The following GALNT3 variants were observed in gnomAD, a reference collection of about 807,000 sequenced individuals.
GALNT3 encodes the protein GalNAc transferase 3.
A neutral mutation model predicts 69.8 loss-of-function variants in GALNT3; 51 were observed. The ratio of observed to expected loss-of-function variants is 0.73; its 90% confidence interval spans 0.58 to 0.92. The LOEUF (loss-of-function observed/expected upper bound fraction) is 0.92, where lower values mean the gene tolerates loss of function less well. Among genes scored for constraint, GALNT3 ranks in the 40% least tolerant of loss-of-function variants. The probability of loss-of-function intolerance (pLI) is 0.00; values close to 1 mark genes in which losing one functional copy is unlikely to be tolerated. For missense variants in GALNT3, 711 were observed against 760.0 expected (o/e 0.94, Z 0.76); for synonymous variants, 265 against 248.5 (o/e 1.07, Z -0.63).
At chr2:165,761,657 T>C in intron 4 of GALNT3, 1 of 683,182 alleles carries the variant, frequency 1.5e-6, no homozygotes, top group Non-Finnish European at 2.7e-6. Context: ...CTGGAACAGC[T>C]AGTAACTGGA....
chr2:165,784,830 G>A (rs1444397908), intron 1 of GALNT3, among the ~76,000 whole-genome samples: 1 of 152,114 alleles, frequency 6.6e-6, no homozygotes, highest in East Asian at 1.9e-4. Context: ...ACAGAAACAA[G>A]TTTTATCCAG....
chr2:165,770,150 T>A (rs748769138), intron 2 of GALNT3, 36 bp downstream of exon 2: 2 of 1,613,354 alleles, frequency 1.2e-6, no homozygotes, highest in Non-Finnish European at 1.7e-6. Context: ...CAAAGCCTGG[T>A]GATAAAGAAT....
intron 2 of GALNT3, among the ~76,000 whole-genome samples, chr2:165,769,623 C>T (rs772352907): frequency 1.5e-4 from 22 of 151,652 alleles, no homozygotes; most frequent in African/African-American, 4.6e-4. Context: ...GCTGTGGTGG[C>T]GGGCGCCTGT....
intron 4 of GALNT3, 71 bp from the exon 5 acceptor site, chr2:165,759,641 G>T (rs1688508874): frequency 1.8e-6 from 2 of 1,097,894 alleles, no homozygotes; most frequent in Non-Finnish European, 2.7e-6. Context: ...TTTAGGTGAA[G>T]GTTTACAGAG....
rs144331248 is a variant in GALNT3, at chr2:165,754,932, G to A, written c.1524C>T (p.Tyr508=). ...VPDLNPVISG[Y]IKSVGQPLCL... The stretch of plus-strand genomic sequence containing the variant: ...AAAAAAGGAACAGGAAAATACTCAC[G>A]TATCCAGATATAACAGGATTAAGGT... The change falls in exon 8 of 11, where the codon TAC becomes TAT. Residue 508 remains tyrosine, a splice_region_variant and synonymous_variant. Transcript: ENST00000392701. 215 of 1,612,908 alleles carry A rather than the reference G, an allele frequency of 1.3e-4. No homozygotes were observed. The African/African-American group carries it at 1.7e-3, about 13-fold the overall frequency.
At chr2:165,766,565 C>T (rs1269615885) in intron 2 of GALNT3, among the ~76,000 whole-genome samples, 2 of 102,104 alleles carry the variant, frequency 2.0e-5, no homozygotes, top group Non-Finnish European at 5.0e-5. Context: ...GAGAGGGCTT[C>T]AAGTCACTGG....
intron 1 of GALNT3, among the ~76,000 whole-genome samples, chr2:165,776,878 C>G (rs183159574): frequency 6.6e-6 from 1 of 152,256 alleles, no homozygotes; most frequent in Admixed American, 6.5e-5. Flanking sequence ...GCTTCTCAAA[C>G]TTTAAAGTGA....
intron 9 of GALNT3, among the ~76,000 whole-genome samples, chr2:165,754,392 C>CT (rs137893523): frequency 2.5e-4 from 15 of 61,142 alleles, no homozygotes; most frequent in African/African-American, 7.5e-4. Context: ...GCTCGGCCTC[C>CT]TTTTTTTTTT....
intron 1 of GALNT3, among the ~76,000 whole-genome samples, chr2:165,774,053 A>G (rs1259689333): frequency 1.3e-5 from 2 of 152,190 alleles, no homozygotes; most frequent in South Asian, 2.1e-4. Context: ...ATAATAGGGC[A>G]GCAACCTCAC....
At chr2:165,788,055 G>A (rs113242192) in intron 1 of GALNT3, among the ~76,000 whole-genome samples, 68 of 152,100 alleles carry the variant, frequency 4.5e-4, no homozygotes, top group African/African-American at 1.5e-3. Context: ...TGGGCCAGGC[G>A]CGGTGGCTCA....
rs1573993539 is a variant in GALNT3, at chr2:165,749,898, T to C, written c.1627-4A>G. On this transcript the variant is annotated splice_region_variant and splice_polypyrimidine_tract_variant and intron_variant, in intron 9 of 10. Coordinates refer to ENST00000392701, the MANE Select transcript of GALNT3 (RefSeq NM_004482.4). ...GTTGAGCAGAGTATTCAAAGTACTA[T>C]GGAAGGAATAGCACTGTTACTGACA... 2.5e-6 allele frequency: 4 copies of C among 1,613,318 alleles called. No individual in the cohort carries two copies. The highest frequency in any genetic ancestry group is 3.4e-6 in the Non-Finnish European group (4 of 1,179,404).
chr2:165,779,632 GCT>G (rs1463080887), intron 1 of GALNT3, among the ~76,000 whole-genome samples: 4 of 152,026 alleles, frequency 2.6e-5, no homozygotes, highest in African/African-American at 9.7e-5. Flanking sequence ...ATCTCCAACG[GCT>G]TCTATTTAAC....
chr2:165,777,256 T>C (rs1682977056), intron 1 of GALNT3, among the ~76,000 whole-genome samples: 1 of 152,114 alleles, frequency 6.6e-6, no homozygotes, highest in African/African-American at 2.4e-5. Context: ...AGGCATGCTG[T>C]AAAGAGTTAG....
chr2:165,774,505 T>C (rs1336710207), intron 1 of GALNT3, among the ~76,000 whole-genome samples: 1 of 152,180 alleles, frequency 6.6e-6, no homozygotes, highest in Non-Finnish European at 1.5e-5. Context: ...AGAAGATAGT[T>C]CTTTTTAGAA....
chr2:165,749,745 C>A lies in GALNT3; in HGVS notation c.1776G>T (p.Gln592His). The A allele has an allele frequency of 6.2e-7, 1 of 1,613,400 alleles. No individual in the cohort carries two copies. The highest frequency in any genetic ancestry group is 8.5e-7 in the Non-Finnish European group (1 of 1,179,436). Residue 592 changes from glutamine to histidine, a missense_variant, in exon 10 of 11, where the codon CAG becomes CAT. Coordinates refer to ENST00000392701, the MANE Select transcript of GALNT3 (RefSeq NM_004482.4). ...VVTGEQIWEIQKDQLLYNPFL... is the reference protein window; with the variant it reads ...VVTGEQIWEIHKDQLLYNPFL... ...TGAATTAATTGCACTGAGGTACCTT[C>A]TGGATCTCCCATATCTGCTCTCCAG...
rs371714077 is a variant in GALNT3, at chr2:165,754,656, A to G, written c.1597T>C (p.Tyr533His). The change falls in exon 9 of 11, where the codon TAT becomes CAT. Residue 533 changes from tyrosine to histidine, a missense_variant. By Grantham distance (83) the Tyr-to-His change is moderately conservative (BLOSUM62 2). Coordinates refer to ENST00000392701, the MANE Select transcript of GALNT3 (RefSeq NM_004482.4). ...TTTCCCCCAAGTCCATGACATGTATACATAATTAATGGTTTGCCTCCTTGA... is the reference window on the plus strand; with the variant it reads ...TTTCCCCCAAGTCCATGACATGTATGCATAATTAATGGTTTGCCTCCTTGA... ...NNQGGKPLIM[Y>H]TCHGLGGNQY... is the part of the protein sequence containing the mutation. 11 of 1,613,298 alleles carry G rather than the reference A, an allele frequency of 6.8e-6. No homozygotes were observed. Among genetic ancestry groups the G allele is most frequent in the African/African-American group, 1.3e-5 (1 of 74,856 alleles).
intron 2 of GALNT3, among the ~76,000 whole-genome samples, chr2:165,768,472 CT>C (rs200003422): frequency 0.13 from 19,136 of 152,208 alleles, 1,358 homozygotes; most frequent in East Asian, 0.22. Context: ...ATGAAAGGAA[CT>C]ATAATGTGCC....
chr2:165,782,929 T>C (rs1683142791), intron 1 of GALNT3, among the ~76,000 whole-genome samples: 1 of 152,170 alleles, frequency 6.6e-6, no homozygotes. Flanking sequence ...GAAGGGATGC[T>C]ATAGTACTGC....
chr2:165,759,420 T>A lies in GALNT3; in HGVS notation c.989A>T (p.Asn330Ile), dbSNP rs781538139. 5.0e-6 allele frequency: 8 copies of A among 1,613,970 alleles called. No individual in the cohort carries two copies. The African/African-American group carries it at 1.1e-4, about 22-fold the overall frequency. ...GCCAAATGAAAGACTCCAGTCAAAA[T>A]TTCCACGGTTATGGTTACTTCCATA... ...SPYGSNHNRGNFDWSLSFGWE... is the reference protein window; with the variant it reads ...SPYGSNHNRGIFDWSLSFGWE... The change falls in exon 5 of 11, where the codon AAT (asparagine) becomes ATT (isoleucine). Residue 330 changes from asparagine (N) to isoleucine (I), a missense_variant. Physicochemically the swap from Asn to Ile is moderately radical, Grantham distance 149. Transcript: ENST00000392701.
Sources: allele counts gnomAD v4.1 joint callset (sites outside exome capture counted in the v4.1 genomes callset), GRCh38; gene constraint gnomAD v4.1.1; transcripts MANE v1.5; gene names NCBI Gene and HGNC (gene_info 2026-07-23, HGNC 2026-07-21).